Variants in SEMA3C observed in about 807,000 individuals in gnomAD.
SEMA3C encodes semaphorin-3C.
A neutral mutation model predicts 89.4 loss-of-function variants in SEMA3C; 47 were observed. The observed-to-expected ratio is 0.53, with a 90% CI of 0.42 to 0.67. The LOEUF (loss-of-function observed/expected upper bound fraction) is 0.67, where lower values mean the gene tolerates loss of function less well. Among genes scored for constraint, SEMA3C ranks in the 30% least tolerant of loss-of-function variants. The pLI is 0.00. For missense variants in SEMA3C, 839 were observed against 929.1 expected, an observed-to-expected ratio of 0.90 and a Z score of 1.26; for synonymous variants, 310 against 320.2, an observed-to-expected ratio of 0.97 and a Z score of 0.34.
chr7:80,895,577 T>C (rs903886955), intron 2 of SEMA3C, among the ~76,000 whole-genome samples: 1 of 152,150 alleles, frequency 6.6e-6, no homozygotes, highest in African/African-American at 2.4e-5. Flanking sequence ...ATAAAACAAA[T>C]TCAGTCCTTA....
intron 6 of SEMA3C, among the ~76,000 whole-genome samples, chr7:80,809,581 G>T (rs1204514827): frequency 2.0e-5 from 3 of 152,026 alleles, no homozygotes; most frequent in Non-Finnish European, 4.4e-5. Context: ...CCTTCCCAAT[G>T]CTTGTTATCA....
At chr7:80,910,378 T>C (rs958085224) in intron 2 of SEMA3C, among the ~76,000 whole-genome samples, 5 of 152,216 alleles carry the variant, frequency 3.3e-5, no homozygotes, top group African/African-American at 1.2e-4. Flanking sequence ...ATTTAAAACG[T>C]GGAACATACT....
At chr7:80,916,515 T>C (rs554703048) in intron 2 of SEMA3C, among the ~76,000 whole-genome samples, 164 bp downstream of exon 2, 1 of 152,210 alleles carries the variant, frequency 6.6e-6, no homozygotes, top group African/African-American at 2.4e-5. Flanking sequence ...CTTTGTCTAT[T>C]AACCAATCAT....
intron 2 of SEMA3C, among the ~76,000 whole-genome samples, chr7:80,844,110 C>T (rs1341867401): frequency 2.6e-5 from 4 of 152,160 alleles, no homozygotes; most frequent in Non-Finnish European, 5.9e-5. Context: ...CTCCTGTCCC[C>T]ATGGAGGATG....
intron 2 of SEMA3C, among the ~76,000 whole-genome samples, chr7:80,851,788 A>G (rs1790519977): frequency 6.6e-6 from 1 of 152,002 alleles, no homozygotes; most frequent in Non-Finnish European, 1.5e-5. Flanking sequence ...GTGATAAAGA[A>G]AAAAAAAGTT....
chr7:80,899,238 A>G (rs954057028), intron 2 of SEMA3C, among the ~76,000 whole-genome samples: 12 of 152,114 alleles, frequency 7.9e-5, no homozygotes, highest in Admixed American at 7.2e-4. Context: ...ACAGGGTTTT[A>G]CCATGTTGGC....
At chr7:80,885,762 A>T (rs1300558337) in intron 2 of SEMA3C, among the ~76,000 whole-genome samples, 1 of 146,998 alleles carries the variant, frequency 6.8e-6, no homozygotes, top group Non-Finnish European at 1.5e-5. Flanking sequence ...TATATTTAAA[A>T]TCAGTTTTCA....
intron 2 of SEMA3C, among the ~76,000 whole-genome samples, chr7:80,871,575 C>A (rs576803339): frequency 6.6e-6 from 1 of 152,256 alleles, no homozygotes; most frequent in South Asian, 2.1e-4. Flanking sequence ...TGAATTTTTC[C>A]TATCAGACCT....
chr7:80,917,591 T>C (rs985674234), intron 1 of SEMA3C, among the ~76,000 whole-genome samples: 1 of 152,184 alleles, frequency 6.6e-6, no homozygotes, highest in Non-Finnish European at 1.5e-5. Context: ...CTTCAAACTA[T>C]AGATATAAAA....
intron 5 of SEMA3C, 99 bp downstream of exon 5, chr7:80,818,200 T>G (rs549340942): frequency 1.8e-6 from 2 of 1,138,596 alleles, no homozygotes; most frequent in Admixed American, 2.5e-5. Context: ...TGAAAATATT[T>G]TATGAATATT....
chr7:80,820,305 C>T (rs1789716233), intron 4 of SEMA3C, among the ~76,000 whole-genome samples: 1 of 152,042 alleles, frequency 6.6e-6, no homozygotes, highest in African/African-American at 2.4e-5. Flanking sequence ...CATGAACCAC[C>T]CGCCTCGGCC....
intron 11 of SEMA3C, among the ~76,000 whole-genome samples, chr7:80,791,341 A>G (rs1788936405): frequency 6.6e-6 from 1 of 152,174 alleles, no homozygotes. Context: ...TACAAACATT[A>G]TTACTATTAA....
intron 12 of SEMA3C, among the ~76,000 whole-genome samples, chr7:80,787,234 A>C (rs990600299): frequency 6.6e-6 from 1 of 151,962 alleles, no homozygotes; most frequent in Non-Finnish European, 1.5e-5. Flanking sequence ...TCTATTAAAA[A>C]TACAAAAATT....
Position 80,745,262 on chromosome 7 carries a change from T to C in SEMA3C, c.1888A>G (p.Ile630Val). 1 of 1,613,990 alleles carries C rather than the reference T, an allele frequency of 6.2e-7. No homozygotes were observed. The highest frequency in any genetic ancestry group is 8.5e-7 in the Non-Finnish European group (1 of 1,179,966). The change falls in exon 18 of 18, where the codon ATC becomes GTC. Residue 630 changes from isoleucine to valine, a missense_variant. Ile to Val is a conservative substitution (Grantham distance 29). Transcript: ENST00000265361. ...RIIATSQGLLIRSVQGSDQGL... is the reference protein window; with the variant it reads ...RIIATSQGLLVRSVQGSDQGL... ...TGGTCAGAACCCTGAACAGAGCGGA[T>C]CAGGAGTCCCTGTGAAGTGGCTATT...
chr7:80,863,961 T>C (rs1223094302), intron 2 of SEMA3C, among the ~76,000 whole-genome samples: 1 of 135,974 alleles, frequency 7.4e-6, no homozygotes, highest in Non-Finnish European at 1.6e-5. Flanking sequence ...ATCACATGTA[T>C]ATCACATATA....
intron 2 of SEMA3C, among the ~76,000 whole-genome samples, chr7:80,852,542 C>T (rs1790537997): frequency 6.6e-6 from 1 of 151,912 alleles, no homozygotes; most frequent in Admixed American, 6.6e-5. Flanking sequence ...AAGAGAAAAC[C>T]CACAGAATGG....
chr7:80,922,380 TC>T (rs1366063402), upstream of SEMA3C: 4 of 1,013,180 alleles, frequency 3.9e-6, no homozygotes, highest in Admixed American at 2.4e-5. Flanking sequence ...AGTCTCAACT[TC>T]CAATGGTTAC....
Position 80,754,948 on chromosome 7 carries a change from T to TTTTTTTTTGTTTTTTTTTTTTG in SEMA3C, c.1643+3382_1643+3383insCAAAAAAAAAAAACAAAAAAAA, listed in dbSNP as rs1562859726. 2.5e-3 allele frequency among the ~76,000 whole-genome samples: 69 copies of TTTTTTTTTGTTTTTTTTTTTTG among 27,360 alleles called. 2 individuals carry two copies. Among genetic ancestry groups the TTTTTTTTTGTTTTTTTTTTTTG allele is most frequent in the African/African-American group, 0.011 (67 of 6,022 alleles). 17.9% of individuals were successfully genotyped at this position (27,360 alleles called of 152,430 possible). On this transcript the variant is annotated intron_variant, in intron 15 of 17. Coordinates refer to ENST00000265361, the MANE Select transcript of SEMA3C (RefSeq NM_006379.5). ...GCCTGCCACCATGCCTGGCGAATTG[T>TTTTTTTTTGTTTTTTTTTTTTG]TTTTTTTTGTTTTTTTTTTTTTTGT...
intron 2 of SEMA3C, among the ~76,000 whole-genome samples, chr7:80,877,485 T>C (rs1791228118): frequency 6.6e-6 from 1 of 152,184 alleles, no homozygotes; most frequent in Non-Finnish European, 1.5e-5. Flanking sequence ...TTAATCTCTG[T>C]AAAGATTAAT....
Sources: gnomAD v4.1 joint callset for allele counts (sites outside exome capture counted in the v4.1 genomes callset) on GRCh38, gnomAD v4.1.1 for gene constraint, MANE v1.5 for transcripts, NCBI Gene and HGNC (gene_info 2026-07-23, HGNC 2026-07-21) for gene names.